The following RELN variants were observed in gnomAD, a reference collection of about 807,000 sequenced individuals.
The protein encoded by RELN is reelin.
In RELN, 108 loss-of-function variants were observed where a neutral mutation model predicts 427.6. The ratio of observed to expected loss-of-function variants is 0.25; its 90% CI spans 0.22 to 0.30. RELN has a LOEUF of 0.30. Among genes scored for constraint, RELN ranks in the 10% least tolerant of loss-of-function variants. RELN has a pLI of 1.00. For missense variants in RELN, 3,715 were observed against 4,302.8 expected, an observed-to-expected ratio of 0.86 and a Z score of 3.82; for synonymous variants, 1,524 against 1,513.4, an observed-to-expected ratio of 1.01 and a Z score of -0.16.
At chr7:103,592,861 T>C (rs1024776889) in intron 27 of RELN, among the ~76,000 whole-genome samples, 1 of 152,202 alleles carries the variant, frequency 6.6e-6, no homozygotes, top group African/African-American at 2.4e-5. Context: ...TATTTTTCCA[T>C]TGTAGTTTAG....
intron 24 of RELN, 58 bp from the exon 25 acceptor site, chr7:103,596,719 T>C (rs1209569209): frequency 1.4e-6 from 2 of 1,480,104 alleles, no homozygotes; most frequent in African/African-American, 2.8e-5. Context: ...GGCATTTTGT[T>C]GTTTCAGTTC....
intron 6 of RELN, 111 bp downstream of exon 6, chr7:103,749,315 T>C (rs1790934022): frequency 4.8e-6 from 4 of 836,580 alleles, no homozygotes; most frequent in East Asian, 4.9e-5. Flanking sequence ...GTCTCACTGA[T>C]AGCTTAGCAC....
At chr7:103,879,877 A>G (rs1490659220) in intron 2 of RELN, among the ~76,000 whole-genome samples, 2 of 152,132 alleles carry the variant, frequency 1.3e-5, no homozygotes, top group Admixed American at 6.5e-5. Context: ...GAGCTTGCAC[A>G]TGTATAATCA....
intron 2 of RELN, among the ~76,000 whole-genome samples, chr7:103,856,893 T>C (rs1397750724): frequency 6.6e-6 from 1 of 150,622 alleles, no homozygotes; most frequent in East Asian, 2.0e-4. Flanking sequence ...TTCTAACCCA[T>C]CATCACCCAT....
chr7:103,738,836 T>C (rs664360), intron 6 of RELN, among the ~76,000 whole-genome samples: 151,983 of 151,984 alleles, frequency 1, 75,991 homozygotes, highest in Middle Eastern at 1. Flanking sequence ...CTGCATGCCA[T>C]CATGCCCAGC....
intron 20 of RELN, among the ~76,000 whole-genome samples, chr7:103,625,895 G>A (rs1371865249): frequency 6.6e-6 from 1 of 152,070 alleles, no homozygotes; most frequent in African/African-American, 2.4e-5. Flanking sequence ...CAAGACTGGT[G>A]TTCTCACTCT....
intron 2 of RELN, among the ~76,000 whole-genome samples, chr7:103,872,645 T>G (rs1448018116): frequency 1.4e-5 from 2 of 142,560 alleles, no homozygotes; most frequent in Non-Finnish European, 3.1e-5. Flanking sequence ...CCACACTGAC[T>G]TCCACAATGG....
intron 36 of RELN, among the ~76,000 whole-genome samples, chr7:103,561,050 C>T (rs1830630586): frequency 6.6e-6 from 1 of 152,006 alleles, no homozygotes; most frequent in Non-Finnish European, 1.5e-5. Context: ...AACCAGACAT[C>T]TCGGTTGAAA....
At chr7:103,745,574 G>C (rs1335535534) in intron 6 of RELN, among the ~76,000 whole-genome samples, 1 of 151,200 alleles carries the variant, frequency 6.6e-6, no homozygotes, top group African/African-American at 2.5e-5. Flanking sequence ...AAAGTCTCAG[G>C]ATACAAAATC....
chr7:103,647,536 GA>G lies in RELN; in HGVS notation c.2002+2737del, dbSNP rs34084589. ...ACAAGAGAAACTATGAAACACTGAT[GA>G]AAAAAAAAAAACTGTAGGACAAAAA... On this transcript the variant is annotated intron_variant, in intron 16 of 64. Transcript: ENST00000428762. 4.5e-3 allele frequency among the ~76,000 whole-genome samples: 652 copies of G among 144,192 alleles called. 5 individuals carry two copies. The highest frequency in any genetic ancestry group is 0.015 in the African/African-American group (594 of 39,296). The allele number at this position is 144,192 out of a possible 152,430, so 94.6% of individuals were successfully genotyped here.
rs770278855 is a variant in RELN, at chr7:103,636,229, A to C, written c.2303+6T>G. On this transcript the variant is annotated splice_donor_region_variant and intron_variant, in intron 18 of 64. Transcript: ENST00000428762. ...TTTGTATGTATTCTACCCTGCCTTC[A>C]CTCACCTGGATTGTGAGCTGTCAAG... is the stretch of plus-strand genomic sequence containing the variant. The C allele has an allele frequency of 1.3e-6, 2 of 1,589,432 alleles. No homozygotes were observed. Among genetic ancestry groups the C allele is most frequent in the African/African-American group, 2.7e-5 (2 of 74,438 alleles).
chr7:103,776,758 G>C (rs1791753074), intron 3 of RELN, 131 bp from the exon 4 acceptor site: 1 of 900,328 alleles, frequency 1.1e-6, no homozygotes, highest in South Asian at 1.4e-5. Context: ...GAGTACATCA[G>C]AAGAGTGATA....
chr7:103,774,200 G>C (rs1791678305), intron 4 of RELN, among the ~76,000 whole-genome samples: 1 of 151,654 alleles, frequency 6.6e-6, no homozygotes, highest in African/African-American at 2.4e-5. Context: ...AGGAGGCTGA[G>C]GCAGGAGAAT....
intron 18 of RELN, 103 bp from the exon 19 acceptor site, chr7:103,635,689 C>G (rs2117349398): frequency 1.1e-6 from 1 of 931,348 alleles, no homozygotes; most frequent in East Asian, 2.5e-5. Flanking sequence ...ACTCACCCCT[C>G]TTTTACAAAA....
intron 1 of RELN, among the ~76,000 whole-genome samples, chr7:103,921,737 T>C (rs1795621626): frequency 1.3e-5 from 2 of 152,118 alleles, no homozygotes; most frequent in Non-Finnish European, 2.9e-5. Context: ...GTCCCTCCAG[T>C]CAAATTTCTC....
intron 9 of RELN, among the ~76,000 whole-genome samples, chr7:103,700,645 C>T (rs923337269): frequency 1.3e-5 from 2 of 152,002 alleles, no homozygotes; most frequent in Admixed American, 1.3e-4. Flanking sequence ...ATCAAAAAAG[C>T]TATGATTGCA....
intron 52 of RELN, 131 bp from the exon 53 acceptor site, chr7:103,501,053 TAAA>T: frequency 1.2e-6 from 1 of 821,878 alleles, no homozygotes. Context: ...AATAGGTTAA[TAAA>T]AAATGTTTTC....
chr7:103,723,885 G>A (rs896131685), intron 7 of RELN, among the ~76,000 whole-genome samples: 2 of 152,126 alleles, frequency 1.3e-5, no homozygotes, highest in Non-Finnish European at 2.9e-5. Flanking sequence ...ACAAGTTTCT[G>A]CTACTTTTCC....
At chr7:103,771,521 C>T (rs796081417) in intron 4 of RELN, among the ~76,000 whole-genome samples, 5 of 152,304 alleles carry the variant, frequency 3.3e-5, no homozygotes, top group African/African-American at 7.2e-5. Context: ...TGACAGGCCC[C>T]CTTCTCAGCA....
Sources: allele counts gnomAD v4.1 joint callset (sites outside exome capture counted in the v4.1 genomes callset), GRCh38; gene constraint gnomAD v4.1.1; transcripts MANE v1.5; gene names NCBI Gene and HGNC (gene_info 2026-07-23, HGNC 2026-07-21).